PTPRN2: variants seen among roughly 807,000 people sequenced by gnomAD.
PTPRN2 encodes protein tyrosine phosphatase receptor type N2, also known as receptor-type tyrosine-protein phosphatase N2.
A neutral mutation model predicts 118.8 loss-of-function variants in PTPRN2; 74 were observed. That is an observed-to-expected ratio of 0.62 (90% CI 0.52 to 0.76). The LOEUF (loss-of-function observed/expected upper bound fraction) is 0.76. PTPRN2 is among the 30% of genes least tolerant of loss of function. The pLI, the probability that PTPRN2 is intolerant of heterozygous loss-of-function variation, is 0.00. For missense variants in PTPRN2, 1,481 were observed against 1,394.4 expected, an observed-to-expected ratio of 1.06 and a Z score of -0.99; for synonymous variants, 641 against 608.0, an observed-to-expected ratio of 1.05 and a Z score of -0.80.
chr7:158,117,137 T>C (rs1816791908), intron 9 of PTPRN2, among the ~76,000 whole-genome samples: 2 of 151,994 alleles, frequency 1.3e-5, no homozygotes, highest in East Asian at 3.8e-4. Flanking sequence ...TTTAAAACAA[T>C]TGTCATAAAA....
intron 2 of PTPRN2, among the ~76,000 whole-genome samples, chr7:158,324,075 A>C (rs1412865960): frequency 6.6e-6 from 1 of 151,818 alleles, no homozygotes; most frequent in African/African-American, 2.4e-5. Context: ...ACACACACAC[A>C]CACCCAGACA....
At chr7:158,247,058 GTT>G (rs886318177) in intron 3 of PTPRN2, among the ~76,000 whole-genome samples, 15 of 152,222 alleles carry the variant, frequency 9.9e-5, no homozygotes, top group African/African-American at 3.6e-4. Flanking sequence ...GCACGATGGG[GTT>G]AGGCAGCCTG....
chr7:158,036,257 A>G (rs570116858), intron 11 of PTPRN2, among the ~76,000 whole-genome samples: 2 of 152,358 alleles, frequency 1.3e-5, no homozygotes, highest in Admixed American at 1.3e-4. Context: ...AAAAAAAACA[A>G]AAACACAAAA....
At chr7:158,415,752 C>G (rs1050582221) in intron 2 of PTPRN2, among the ~76,000 whole-genome samples, 2 of 152,150 alleles carry the variant, frequency 1.3e-5, no homozygotes, top group East Asian at 1.9e-4. Flanking sequence ...ATGCCTCTTC[C>G]TCATTCAATT....
Position 158,120,168 on chromosome 7 carries a change from G to A in PTPRN2, c.1557-9253C>T, listed in dbSNP as rs557893459. 4.6e-5 allele frequency among the ~76,000 whole-genome samples: 7 copies of A among 152,280 alleles called. No homozygotes were observed. In the East Asian group the frequency reaches 1.3e-3, roughly 29 times the overall value. The stretch of plus-strand genomic sequence containing the variant: ...ATCCTCAAATTCAGAGAGACACAGA[G>A]TAGAGTGAAGGCTGCCAGGGGCTGG... On this transcript the variant is annotated intron_variant, in intron 9 of 22. Coordinates refer to ENST00000389418, the MANE Select transcript of PTPRN2 (RefSeq NM_002847.5).
At chr7:158,334,851 G>A (rs1346080882) in intron 2 of PTPRN2, among the ~76,000 whole-genome samples, 1 of 36,602 alleles carries the variant, frequency 2.7e-5, no homozygotes, top group African/African-American at 9.5e-5. Context: ...ACCTGCAGAC[G>A]TCACTCACAC....
At chr7:157,915,739 C>G (rs559945929) in intron 11 of PTPRN2, among the ~76,000 whole-genome samples, 2 of 152,288 alleles carry the variant, frequency 1.3e-5, no homozygotes, top group South Asian at 4.2e-4. Flanking sequence ...ATCAGTCATC[C>G]ACTGATGTCC....
At chr7:158,332,642 CCAT>C (rs571230783) in intron 2 of PTPRN2, among the ~76,000 whole-genome samples, 63 of 147,924 alleles carry the variant, frequency 4.3e-4, no homozygotes, top group African/African-American at 1.6e-3. Context: ...CACACTGTCA[CCAT>C]AAGAGCTGAT....
Position 158,350,229 on chromosome 7 carries a change from G to A in PTPRN2, c.164-33297C>T, listed in dbSNP as rs866753180. Among the ~76,000 whole-genome samples, 14 of 152,344 alleles carry A rather than the reference G, an allele frequency of 9.2e-5. 1 individual carries two copies. The highest frequency in any genetic ancestry group is 3.4e-3 in the Middle Eastern group (1 of 294). On this transcript the variant is annotated intron_variant, in intron 2 of 22. Coordinates refer to ENST00000389418, the MANE Select transcript of PTPRN2 (RefSeq NM_002847.5). ...TGAGGCCCTAAGAGTTGCTGCCCGAGGAGAGATGCTCAACATCAGCCGGCA... is the reference window on the plus strand; with the variant it reads ...TGAGGCCCTAAGAGTTGCTGCCCGAAGAGAGATGCTCAACATCAGCCGGCA...
At chr7:157,762,606 AG>A (rs1449262626) in intron 12 of PTPRN2, among the ~76,000 whole-genome samples, 1 of 61,180 alleles carries the variant, frequency 1.6e-5, no homozygotes, top group Non-Finnish European at 2.9e-5. Flanking sequence ...GGGTGGGGGG[AG>A]GGGGGAGGGA....
rs1805406794 is a variant in PTPRN2 at position 158,003,293 on chromosome 7, A to G, written c.1723+78005T>C. Reference sequence around the variant, plus strand: ...GCCGGGCGTGTTGGCGGGCGCCTGTAGTCCCAGCTACTTGGGAGGCTGAGG... The same window carrying G: ...GCCGGGCGTGTTGGCGGGCGCCTGTGGTCCCAGCTACTTGGGAGGCTGAGG... On this transcript the variant is annotated intron_variant, in intron 11 of 22. Transcript: ENST00000389418. The surrounding 1 kb of genome is among the most constrained non-coding windows in gnomAD (Gnocchi z 5.0). 6.6e-6 allele frequency among the ~76,000 whole-genome samples: 1 copy of G among 151,592 alleles called. No homozygotes were observed. Among genetic ancestry groups the G allele is most frequent in the Non-Finnish European group, 1.5e-5 (1 of 67,884 alleles).
intron 1 of PTPRN2, among the ~76,000 whole-genome samples, chr7:158,531,960 C>G (rs1825276198): frequency 6.6e-6 from 1 of 152,212 alleles, no homozygotes; most frequent in Admixed American, 6.5e-5. Flanking sequence ...TTTCCACTGA[C>G]AAGGACACGG....
chr7:157,936,011 C>T (rs1288153652), intron 11 of PTPRN2, among the ~76,000 whole-genome samples: 1 of 152,126 alleles, frequency 6.6e-6, no homozygotes, highest in Non-Finnish European at 1.5e-5. Context: ...ACATCTTCAG[C>T]ATCTGTGTCG....
chr7:158,371,610 T>C (rs1384690020), intron 2 of PTPRN2, among the ~76,000 whole-genome samples: 1 of 152,214 alleles, frequency 6.6e-6, no homozygotes, highest in Non-Finnish European at 1.5e-5. Context: ...AGGAACTTTA[T>C]GCAAGTTCTC....
At chr7:158,538,500 C>T (rs922280255) in intron 1 of PTPRN2, among the ~76,000 whole-genome samples, 2 of 152,184 alleles carry the variant, frequency 1.3e-5, no homozygotes, top group African/African-American at 4.8e-5. Context: ...CTCCGTGGGT[C>T]GTGATTTCTG....
chr7:158,330,980 C>T (rs1396699685), intron 2 of PTPRN2, among the ~76,000 whole-genome samples: 1 of 115,780 alleles, frequency 8.6e-6, no homozygotes. Context: ...CACACCCACA[C>T]TCTCACCATA....
Position 158,133,801 on chromosome 7 carries a change from G to T in PTPRN2, c.1432C>A (p.Pro478Thr). ...CTCTGCTCCTCCTTCGAGGGCCCAG[G>T]CATCTGGTTTTGGAGCTCCCCAAAC... ...AAFGELQNQM[P>T]GPSKEEQSLP... The change falls in exon 9 of 23, where the codon CCT (proline) becomes ACT (threonine). Residue 478 changes from proline (P) to threonine (T), a missense_variant. Around this residue, in one of 3 missense-constraint regions of PTPRN2, gnomAD observed 1,115 missense variants for 994.2 expected, o/e 1.12. Transcript: ENST00000389418. The T allele has an allele frequency of 6.2e-7, 1 of 1,613,982 alleles. No homozygotes were observed. Among genetic ancestry groups the T allele is most frequent in the Non-Finnish European group, 8.5e-7 (1 of 1,180,032 alleles).
chr7:157,707,746 C>T (rs989734615), intron 12 of PTPRN2, among the ~76,000 whole-genome samples: 5 of 152,092 alleles, frequency 3.3e-5, no homozygotes, highest in Admixed American at 6.5e-5. Context: ...ATTACAGGCA[C>T]GCACCACTAC....
chr7:157,718,567 C>T (rs973081975), intron 12 of PTPRN2, among the ~76,000 whole-genome samples: 5 of 150,500 alleles, frequency 3.3e-5, no homozygotes, highest in African/African-American at 9.8e-5. Flanking sequence ...AGCCTCTCTC[C>T]GTGGCCCTGT....
Sources: gnomAD v4.1 joint callset for allele counts (sites outside exome capture counted in the v4.1 genomes callset) on GRCh38, gnomAD v4.1.1 for gene constraint, gnomAD v4.1.1 regional missense constraint, Gnocchi (gnomAD v3.1) non-coding constraint, MANE v1.5 for transcripts, NCBI Gene and HGNC (gene_info 2026-07-23, HGNC 2026-07-21) for gene names.